Variants in LIPC observed in about 807,000 individuals in gnomAD.
LIPC encodes lipase C, hepatic type.
LIPC carries 44 observed loss-of-function variants against 50.7 expected under a neutral mutation model. The ratio of observed to expected loss-of-function variants is 0.87; its 90% CI spans 0.68 to 1.11. The LOEUF (loss-of-function observed/expected upper bound fraction) is 1.11. Among genes scored for constraint, LIPC ranks in the 50% most tolerant of loss-of-function variants. LIPC has a pLI of 0.00. For synonymous variants in LIPC, 271 were observed against 256.4 expected (o/e 1.06, Z -0.54); for missense variants, 697 against 648.2 (o/e 1.08, Z -0.82).
At chr15:58,434,563 G>T (rs1893229957) in intron 1 of LIPC, among the ~76,000 whole-genome samples, 1 of 152,202 alleles carries the variant, frequency 6.6e-6, no homozygotes, top group African/African-American at 2.4e-5. Context: ...CCCACACCCA[G>T]TGATTTGACA....
chr15:58,437,386 G>C (rs983997832), intron 1 of LIPC, among the ~76,000 whole-genome samples: 1 of 150,452 alleles, frequency 6.6e-6, no homozygotes, highest in Non-Finnish European at 1.5e-5. Flanking sequence ...AATAATGTAG[G>C]GAAAAAAAAA....
chr15:58,474,667 G>A (rs1315397502), intron 1 of LIPC, among the ~76,000 whole-genome samples: 3 of 152,198 alleles, frequency 2.0e-5, no homozygotes, highest in African/African-American at 7.2e-5. Flanking sequence ...AACACAGTGA[G>A]CATCCCTGCG....
intron 4 of LIPC, among the ~76,000 whole-genome samples, chr15:58,543,114 C>T (rs1461322831): frequency 1.3e-5 from 2 of 152,166 alleles, no homozygotes; most frequent in African/African-American, 4.8e-5. Flanking sequence ...GGGAGCTCTG[C>T]ATCCAAAACT....
At chr15:58,560,736 T>C in intron 6 of LIPC, 128 bp from the exon 7 acceptor site, 1 of 630,766 alleles carries the variant, frequency 1.6e-6, no homozygotes, top group Non-Finnish European at 2.9e-6. Context: ...AAAAAAATGT[T>C]GTTAACATAT....
At chr15:58,470,469 G>A (rs765876023) in intron 1 of LIPC, among the ~76,000 whole-genome samples, 3 of 151,902 alleles carry the variant, frequency 2.0e-5, no homozygotes, top group Admixed American at 2.0e-4. Flanking sequence ...ATTGTTAAAT[G>A]TAACTTAAAA....
intron 8 of LIPC, among the ~76,000 whole-genome samples, chr15:58,564,164 C>CTCTCTT (rs1555407723): frequency 6.6e-6 from 1 of 151,624 alleles, no homozygotes; most frequent in Non-Finnish European, 1.5e-5. Flanking sequence ...CTCTCTCTCT[C>CTCTCTT]TCTCTCTCTC....
At chr15:58,514,011 T>A (rs1188007746) in intron 1 of LIPC, among the ~76,000 whole-genome samples, 1 of 152,174 alleles carries the variant, frequency 6.6e-6, no homozygotes, top group Non-Finnish European at 1.5e-5. Flanking sequence ...CAGGCTGGAA[T>A]ATGATGAGTG....
chr15:58,518,271 A>T (rs1247574810), intron 1 of LIPC, among the ~76,000 whole-genome samples: 1 of 152,254 alleles, frequency 6.6e-6, no homozygotes, highest in African/African-American at 2.4e-5. Flanking sequence ...AGGTAACAGC[A>T]GAGCAAACTT....
chr15:58,452,925 G>A (rs1893966128), intron 1 of LIPC, among the ~76,000 whole-genome samples: 1 of 152,250 alleles, frequency 6.6e-6, no homozygotes, highest in Non-Finnish European at 1.5e-5. Context: ...GCCTTGGCCT[G>A]TGAAGATGTG....
intron 1 of LIPC, among the ~76,000 whole-genome samples, chr15:58,520,156 G>A (rs1490591117): frequency 6.8e-6 from 1 of 147,814 alleles, no homozygotes; most frequent in Non-Finnish European, 1.5e-5. Context: ...GAAGTGATTG[G>A]TCTAGATTTG....
At chr15:58,518,012 T>C (rs1358161146) in intron 1 of LIPC, among the ~76,000 whole-genome samples, 1 of 152,240 alleles carries the variant, frequency 6.6e-6, no homozygotes, top group Non-Finnish European at 1.5e-5. Context: ...TCTCTTACTA[T>C]ATCAGAAAAG....
intron 1 of LIPC, among the ~76,000 whole-genome samples, chr15:58,472,316 T>C (rs2140746782): frequency 6.7e-6 from 1 of 148,886 alleles, no homozygotes; most frequent in South Asian, 2.1e-4. Context: ...GGATTACATC[T>C]GTAACCCCGG....
chr15:58,455,500 A>G (rs556109538), intron 1 of LIPC, among the ~76,000 whole-genome samples: 1 of 152,372 alleles, frequency 6.6e-6, no homozygotes, highest in East Asian at 1.9e-4. Flanking sequence ...AGCACAAAAC[A>G]TTAAGGAAAT....
intron 1 of LIPC, among the ~76,000 whole-genome samples, chr15:58,537,483 C>G (rs1893167402): frequency 6.6e-6 from 1 of 150,782 alleles, no homozygotes; most frequent in African/African-American, 2.4e-5. Flanking sequence ...TTTTCTGTTG[C>G]AAACTCTTTA....
chr15:58,459,401 C>CTT (rs3052238), intron 1 of LIPC, among the ~76,000 whole-genome samples: 14,120 of 145,752 alleles, frequency 0.097, 796 homozygotes, highest in Non-Finnish European at 0.14. Flanking sequence ...TTTTTTCTTT[C>CTT]TTTTTTTTTT....
chr15:58,481,632 A>C (rs1289720231), intron 1 of LIPC, among the ~76,000 whole-genome samples: 1 of 150,360 alleles, frequency 6.7e-6, no homozygotes, highest in African/African-American at 2.4e-5. Flanking sequence ...GCGAAACCCC[A>C]TCTCTTCTAA....
At chr15:58,519,335 C>G (rs976804810) in intron 1 of LIPC, among the ~76,000 whole-genome samples, 8 of 149,280 alleles carry the variant, frequency 5.4e-5, no homozygotes, top group African/African-American at 2.0e-4. Flanking sequence ...GGCGTGAACC[C>G]GGGAGGCGGA....
At chr15:58,507,008 A>G (rs542671657) in intron 1 of LIPC, among the ~76,000 whole-genome samples, 2 of 152,270 alleles carry the variant, frequency 1.3e-5, no homozygotes, top group South Asian at 4.1e-4. Flanking sequence ...GCTCCTTATA[A>G]AACCATCAGA....
chr15:58,520,112 GTTTT>G (rs10631480), intron 1 of LIPC, among the ~76,000 whole-genome samples: 1 of 123,538 alleles, frequency 8.1e-6, no homozygotes, highest in Non-Finnish European at 1.7e-5. Flanking sequence ...GTTTTGGGCT[GTTTT>G]TTTTTTGTTT....
Sources: gnomAD v4.1 joint callset for allele counts (sites outside exome capture counted in the v4.1 genomes callset) on GRCh38, gnomAD v4.1.1 for gene constraint, MANE v1.5 for transcripts, NCBI Gene and HGNC (gene_info 2026-07-23, HGNC 2026-07-21) for gene names.